FBN2: variants seen among roughly 807,000 people sequenced by gnomAD.
The protein encoded by FBN2 is fibrillin-2.
FBN2 carries 105 observed loss-of-function variants against 355.6 expected under a neutral mutation model. That is an observed-to-expected ratio of 0.30 (90% confidence interval 0.25 to 0.35). The LOEUF is 0.35. Among genes scored for constraint, FBN2 ranks in the 10% least tolerant of loss-of-function variants. The probability of loss-of-function intolerance (pLI) is 1.00; values close to 1 mark genes in which losing one functional copy is unlikely to be tolerated. For missense variants in FBN2, 3,280 were observed against 3,758.7 expected (o/e 0.87, Z 3.33); for synonymous variants, 1,350 against 1,301.2 (o/e 1.04, Z -0.81).
intron 34 of FBN2, among the ~76,000 whole-genome samples, chr5:128,324,659 C>G (rs1036176701): frequency 2.6e-5 from 4 of 150,998 alleles, no homozygotes; most frequent in Non-Finnish European, 5.9e-5. Context: ...CTCTGTTGAC[C>G]CAGCCTGGAG....
At chr5:128,350,117 C>T in intron 21 of FBN2, 112 bp from the exon 22 acceptor site, 1 of 922,096 alleles carries the variant, frequency 1.1e-6, no homozygotes, top group Non-Finnish European at 1.8e-6. Flanking sequence ...AAATGCAAGG[C>T]AGGGTCTTAG....
rs1010192588 is a variant in FBN2, at chr5:128,288,372, T to C, written c.6757+66A>G. 705 of 1,552,510 alleles carry C rather than the reference T, an allele frequency of 4.5e-4. 12 individuals carry two copies. In the Admixed American group the frequency reaches 0.011, roughly 24 times the overall value. On this transcript the variant is annotated intron_variant, in intron 53 of 64. Coordinates refer to ENST00000262464, the MANE Select transcript of FBN2 (RefSeq NM_001999.4). ...GAATATCAGAAGCAATATAAATAAATATTGAGACATTAAAAAACACTTTCT... is the reference window on the plus strand; with the variant it reads ...GAATATCAGAAGCAATATAAATAAACATTGAGACATTAAAAAACACTTTCT...
At chr5:128,454,291 G>T (rs1754328737) in intron 6 of FBN2, among the ~76,000 whole-genome samples, 1 of 152,164 alleles carries the variant, frequency 6.6e-6, no homozygotes, top group Non-Finnish European at 1.5e-5. Flanking sequence ...TTTTTGTGGG[G>T]TTAGAAGAAG....
At chr5:128,321,735 C>A (rs539623558) in intron 34 of FBN2, among the ~76,000 whole-genome samples, 1 of 152,180 alleles carries the variant, frequency 6.6e-6, no homozygotes, top group East Asian at 1.9e-4. Context: ...CTATTATGAA[C>A]AGTGCTGCAA....
chr5:128,422,487 A>C (rs1262442879), intron 7 of FBN2, among the ~76,000 whole-genome samples: 1 of 152,140 alleles, frequency 6.6e-6, no homozygotes, highest in East Asian at 1.9e-4. Flanking sequence ...TTTATGGTTA[A>C]TGTGTTTTAG....
intron 8 of FBN2, among the ~76,000 whole-genome samples, chr5:128,402,091 G>C (rs933337362): frequency 3.3e-5 from 5 of 152,052 alleles, no homozygotes; most frequent in Non-Finnish European, 5.9e-5. Context: ...TCAGAGGCTG[G>C]GAATTACCTC....
At chr5:128,448,880 G>T (rs911841566) in intron 6 of FBN2, among the ~76,000 whole-genome samples, 2 of 151,990 alleles carry the variant, frequency 1.3e-5, no homozygotes, top group Non-Finnish European at 2.9e-5. Flanking sequence ...TTTAGACATT[G>T]AAATTATCAT....
In FBN2 at chr5:128,344,387, G is replaced by A. The variant is rs202219940; in HGVS notation, c.3341C>T (p.Thr1114Met). 139 of 1,613,818 alleles carry A rather than the reference G, an allele frequency of 8.6e-5. No homozygotes were observed. The highest frequency in any genetic ancestry group is 3.0e-4 in the Admixed American group (18 of 60,000). The change falls in exon 25 of 65, where the codon ACG becomes ATG. Residue 1114 changes from threonine to methionine, a missense_variant and splice_region_variant. Coordinates refer to ENST00000262464, the MANE Select transcript of FBN2 (RefSeq NM_001999.4). ...ATAAAACAGCAGAACCATCTTACCC[G>A]TGCAGTTTCTTTCCTCCATGTCTAG... Reference protein sequence around the residue: ...FALDMEERNCTDIDECRISPD... With the variant: ...FALDMEERNCMDIDECRISPD...
At chr5:128,293,934 C>G (rs1483322480) in intron 48 of FBN2, among the ~76,000 whole-genome samples, 2 of 151,776 alleles carry the variant, frequency 1.3e-5, no homozygotes, top group Non-Finnish European at 2.9e-5. Flanking sequence ...TGTGCTGCAC[C>G]CACTAACTCG....
intron 7 of FBN2, among the ~76,000 whole-genome samples, chr5:128,418,114 A>C (rs956004567): frequency 6.6e-5 from 10 of 152,086 alleles, no homozygotes; most frequent in African/African-American, 1.9e-4. Flanking sequence ...TTTTAGTTAT[A>C]CCTGATTATA....
At chr5:128,319,705 G>A (rs1750318085) in intron 34 of FBN2, among the ~76,000 whole-genome samples, 1 of 151,974 alleles carries the variant, frequency 6.6e-6, no homozygotes, top group African/African-American at 2.4e-5. Context: ...TACTGAATTG[G>A]ACTAAAAATT....
chr5:128,349,848 G>A, intron 22 of FBN2, 107 bp downstream of exon 22: 1 of 869,384 alleles, frequency 1.2e-6, no homozygotes, highest in Non-Finnish European at 1.9e-6. Context: ...TTATTGAAAT[G>A]TCAAGGTTTT....
chr5:128,419,146 C>T (rs373461956), intron 7 of FBN2, among the ~76,000 whole-genome samples: 2 of 152,176 alleles, frequency 1.3e-5, no homozygotes, highest in Non-Finnish European at 2.9e-5. Context: ...TGCAACTTTG[C>T]TTAAATCATT....
rs537776694 is a variant in FBN2 at position 128,345,540 on chromosome 5, A to T, written c.3034T>A (p.Cys1012Ser). 6.2e-7 allele frequency: 1 copy of T among 1,614,160 alleles called. No individual in the cohort carries two copies. Among genetic ancestry groups the T allele is most frequent in the African/African-American group, 1.3e-5 (1 of 75,042 alleles). Reference sequence around the variant, plus strand: ...AACTTTCCAGGAACGGGGTGGATGCATTCATCTTCATCCCACTTCAAGTAA... The same window carrying T: ...AACTTTCCAGGAACGGGGTGGATGCTTTCATCTTCATCCCACTTCAAGTAA... Reference protein sequence around the residue: ...QCYLKWDEDECIHPVPGKFRM... With the variant: ...QCYLKWDEDESIHPVPGKFRM... The change falls in exon 24 of 65, where the codon TGC (cysteine) becomes AGC (serine). Residue 1012 changes from cysteine to serine, a missense_variant. Transcript: ENST00000262464.
intron 19 of FBN2, 113 bp from the exon 20 acceptor site, chr5:128,357,508 T>A: frequency 8.0e-7 from 1 of 1,251,046 alleles, no homozygotes; most frequent in Non-Finnish European, 1.2e-6. Flanking sequence ...CTGGTAATTT[T>A]AATATGGATC....
In FBN2 at chr5:128,458,396, T is replaced by C. The variant is rs331066; in HGVS notation, c.826+6328A>G. On this transcript the variant is annotated intron_variant, in intron 6 of 64. Transcript: ENST00000262464. ...CACCCCACTGTCAGTACTAGACGGA[T>C]AAATGAGACAGGAAATTAACAAAAA... Among the ~76,000 whole-genome samples the C allele has an allele frequency of 2.6e-4, 40 of 151,370 alleles. No homozygotes were observed. In the East Asian group the frequency reaches 7.2e-3, roughly 27 times the overall value.
chr5:128,376,566 G>A (rs181336639), intron 14 of FBN2, among the ~76,000 whole-genome samples, 165 bp downstream of exon 14: 1 of 152,252 alleles, frequency 6.6e-6, no homozygotes, highest in East Asian at 1.9e-4. Context: ...AGACCACAAT[G>A]TGTGTTTTTC....
In FBN2 at chr5:128,379,442, A is replaced by T. The variant is rs1019525101; in HGVS notation, c.1604-552T>A. Among the ~76,000 whole-genome samples, 4 of 152,150 alleles carry T rather than the reference A, an allele frequency of 2.6e-5. No homozygotes were observed. The South Asian group carries it at 8.3e-4, about 32-fold the overall frequency. On this transcript the variant is annotated intron_variant, in intron 11 of 64. Transcript: ENST00000262464. Reference sequence around the variant, plus strand: ...CTTGGATAATATTTTGAAGTAAAAAAACATGAGGGAGTAGAAAATGAAAAC... The same window carrying T: ...CTTGGATAATATTTTGAAGTAAAAATACATGAGGGAGTAGAAAATGAAAAC...
chr5:128,385,430 G>GTACCACATT (rs1249683901), intron 11 of FBN2, among the ~76,000 whole-genome samples: 10 of 152,208 alleles, frequency 6.6e-5, no homozygotes, highest in African/African-American at 2.2e-4. Context: ...TGGTGTCTAT[G>GTACCACATT]TACCACATTT....
Sources: gnomAD v4.1 joint callset for allele counts (sites outside exome capture counted in the v4.1 genomes callset) on GRCh38, gnomAD v4.1.1 for gene constraint, MANE v1.5 for transcripts, NCBI Gene and HGNC (gene_info 2026-07-23, HGNC 2026-07-21) for gene names.